BICD1: variants seen among roughly 807,000 people sequenced by gnomAD.
The protein encoded by BICD1 is protein bicaudal D homolog 1.
In BICD1, 35 loss-of-function variants were observed where a neutral mutation model predicts 92.5. That is an observed-to-expected ratio of 0.38 (90% CI 0.29 to 0.50). BICD1 has a LOEUF of 0.50. Ranked by LOEUF, BICD1 falls within the 20% of genes least tolerant of loss-of-function variation. BICD1 has a pLI of 0.93. For synonymous variants in BICD1, 429 were observed against 465.1 expected (o/e 0.92, Z 1.00); for missense variants, 950 against 1,189.8 (o/e 0.80, Z 2.97).
At chr12:32,132,062 T>C (rs1942563760) in intron 1 of BICD1, among the ~76,000 whole-genome samples, 2 of 151,682 alleles carry the variant, frequency 1.3e-5, no homozygotes, top group South Asian at 4.2e-4. Flanking sequence ...GGTGGGAAAA[T>C]ATTTGAGCAA....
chr12:32,314,365 G>A (rs1422389934), intron 4 of BICD1, among the ~76,000 whole-genome samples: 11 of 27,676 alleles, frequency 4.0e-4, no homozygotes, highest in South Asian at 2.4e-3. Flanking sequence ...AAAACAAATC[G>A]AGTGTACCAT....
At position 32,382,181 on chromosome 12, in the gene BICD1, G is replaced by A. The variant is rs994999542; in HGVS notation, c.*4554G>A. 2.0e-5 allele frequency: 3 copies of A among 151,992 alleles called. No individual in the cohort carries two copies. The highest frequency in any genetic ancestry group is 6.6e-5 in the Admixed American group (1 of 15,240). The allele number at this position is 151,992 out of a possible 1,614,324, so 9.4% of individuals were successfully genotyped here. Reference sequence around the variant, plus strand: ...AATGTATTGCGTTTGTAACCTGATCGTATTATGTTTACAGCTGAAAGATTT... The same window carrying A: ...AATGTATTGCGTTTGTAACCTGATCATATTATGTTTACAGCTGAAAGATTT... On this transcript the variant is annotated 3_prime_UTR_variant, in exon 10 of 10. Coordinates refer to ENST00000652176, the MANE Select transcript of BICD1 (RefSeq NM_001714.4).
intron 5 of BICD1, among the ~76,000 whole-genome samples, chr12:32,329,768 G>C (rs1442303264): frequency 6.6e-6 from 1 of 152,188 alleles, no homozygotes; most frequent in African/African-American, 2.4e-5. Context: ...ACATGAACCT[G>C]TCTAATTCCC....
At chr12:32,238,047 A>G (rs2136074707) in intron 2 of BICD1, among the ~76,000 whole-genome samples, 1 of 152,324 alleles carries the variant, frequency 6.6e-6, no homozygotes, top group African/African-American at 2.4e-5. Flanking sequence ...AGGTCAAATT[A>G]TCAACATGAA....
chr12:32,328,320 C>A lies in BICD1; in HGVS notation c.1865C>A (p.Pro622Gln), dbSNP rs1015652371. 1.2e-6 allele frequency: 2 copies of A among 1,614,196 alleles called. No individual in the cohort carries two copies. The highest frequency in any genetic ancestry group is 1.7e-6 in the Non-Finnish European group (2 of 1,180,042). The change falls in exon 5 of 10, where the codon CCA becomes CAA. Residue 622 changes from proline (P) to glutamine (Q), a missense_variant. Pro to Gln is a moderately conservative substitution (Grantham distance 76). Coordinates refer to ENST00000652176, the MANE Select transcript of BICD1 (RefSeq NM_001714.4). This position sits in a 1 kb window ranked among gnomAD's most constrained non-coding sequence, Gnocchi z 4.4. ...GATACAAGTGACATCCGCAAAGAGC[C>A]AATGAATATCTACAACCTTAATGCC... ...VLDTSDIRKE[P>Q]MNIYNLNAII...
Position 32,334,768 on chromosome 12 carries a change from G to A in BICD1, c.2252+101G>A, listed in dbSNP as rs971929439. 1.2e-5 allele frequency: 15 copies of A among 1,283,192 alleles called. No individual in the cohort carries two copies. In the Admixed American group the frequency reaches 1.8e-4, roughly 15 times the overall value. 79.5% of individuals were successfully genotyped at this position (1,283,192 alleles called of 1,614,324 possible). The stretch of plus-strand genomic sequence containing the variant: ...GCATGTTGAGTGTATTCGGTGAGTA[G>A]TCTAGGATGGCTAAGTGTGAAGAAA... On this transcript the variant is annotated intron_variant, in intron 6 of 9. Coordinates refer to ENST00000652176, the MANE Select transcript of BICD1 (RefSeq NM_001714.4).
chr12:32,319,959 A>G (rs558740098), intron 4 of BICD1, among the ~76,000 whole-genome samples: 59 of 152,256 alleles, frequency 3.9e-4, no homozygotes, highest in African/African-American at 1.3e-3. Context: ...GTTAGTGTGC[A>G]TGAATTTTCT....
intron 1 of BICD1, among the ~76,000 whole-genome samples, chr12:32,173,528 G>T (rs537736410): frequency 1.3e-5 from 2 of 152,256 alleles, no homozygotes; most frequent in South Asian, 4.2e-4. Flanking sequence ...AGCTTACATT[G>T]TGATCATTCT....
chr12:32,335,865 T>C (rs1377650020), intron 6 of BICD1, among the ~76,000 whole-genome samples: 1 of 152,114 alleles, frequency 6.6e-6, no homozygotes, highest in East Asian at 1.9e-4. Flanking sequence ...GATACGGGTA[T>C]GAGCCACCAT....
chr12:32,278,802 G>T (rs1412328362), intron 2 of BICD1, among the ~76,000 whole-genome samples: 4 of 152,202 alleles, frequency 2.6e-5, no homozygotes, highest in Non-Finnish European at 5.9e-5. Context: ...CTTGCAGTGA[G>T]CCGAGATTGC....
chr12:32,333,984 G>T (rs1330606719), intron 5 of BICD1, among the ~76,000 whole-genome samples: 3 of 152,068 alleles, frequency 2.0e-5, no homozygotes, highest in Non-Finnish European at 2.9e-5. Context: ...TTCCTTAAAT[G>T]TATGATAACA....
chr12:32,377,416 T>C, intron 9 of BICD1, 124 bp from the exon 10 acceptor site: 1 of 766,148 alleles, frequency 1.3e-6, no homozygotes, highest in Non-Finnish European at 2.3e-6. Context: ...ATGGAAACCA[T>C]TTACTGTGCA....
At chr12:32,260,485 A>G (rs76074296) in intron 2 of BICD1, among the ~76,000 whole-genome samples, 7,168 of 152,268 alleles carry the variant, frequency 0.047, 226 homozygotes, top group Middle Eastern at 0.11. Flanking sequence ...CATTGCTACC[A>G]AGGACTCGCA....
chr12:32,318,128 T>A (rs1022113039), intron 4 of BICD1, among the ~76,000 whole-genome samples: 2 of 152,022 alleles, frequency 1.3e-5, no homozygotes, highest in Non-Finnish European at 2.9e-5. Context: ...TGTAGTATAG[T>A]TTGAAGTCAG....
chr12:32,252,208 T>G (rs7314519), intron 2 of BICD1, among the ~76,000 whole-genome samples: 49,498 of 125,132 alleles, frequency 0.4, 10,465 homozygotes, highest in Non-Finnish European at 0.45. Flanking sequence ...TTTATATATA[T>G]TATATATCTT....
chr12:32,246,324 AAAAG>A lies in BICD1; in HGVS notation c.426+29866_426+29869del, dbSNP rs1190740222. 4.3e-3 allele frequency among the ~76,000 whole-genome samples: 648 copies of A among 150,216 alleles called. 8 individuals are homozygous for A. The highest frequency in any genetic ancestry group is 0.015 in the African/African-American group (621 of 40,560). ...GAACCCATCAGGAAAAAAAAAAAAA[AAAAG>A]GTTGATTAAAAAAAGAAAAACAAAA... is the stretch of plus-strand genomic sequence containing the variant. On this transcript the variant is annotated intron_variant, in intron 2 of 9. Transcript: ENST00000652176.
chr12:32,257,907 GACTAT>G (rs1946762543), intron 2 of BICD1, among the ~76,000 whole-genome samples: 1 of 152,138 alleles, frequency 6.6e-6, no homozygotes, highest in Non-Finnish European at 1.5e-5. Context: ...TTCATTGTGT[GACTAT>G]ACTACATTTA....
intron 1 of BICD1, among the ~76,000 whole-genome samples, chr12:32,162,907 G>A (rs1450204001): frequency 6.6e-6 from 1 of 152,114 alleles, no homozygotes; most frequent in Non-Finnish European, 1.5e-5. Flanking sequence ...GATTGCTTGA[G>A]TTTGGGAGGT....
chr12:32,247,420 T>G (rs1305881126), intron 2 of BICD1, among the ~76,000 whole-genome samples: 3 of 151,964 alleles, frequency 2.0e-5, no homozygotes, highest in African/African-American at 7.3e-5. Context: ...CGAGAATACA[T>G]CTGAAGATCC....
Sources: allele counts gnomAD v4.1 joint callset (sites outside exome capture counted in the v4.1 genomes callset), GRCh38; gene constraint gnomAD v4.1.1; non-coding constraint Gnocchi (gnomAD v3.1); transcripts MANE v1.5; gene names NCBI Gene and HGNC (gene_info 2026-07-23, HGNC 2026-07-21).